Variants in FRY observed in about 807,000 individuals in gnomAD.
FRY encodes FRY microtubule binding protein.
In FRY, 128 loss-of-function variants were observed where a neutral mutation model predicts 348.4. The ratio of observed to expected loss-of-function variants is 0.37; its 90% CI spans 0.32 to 0.43. The LOEUF (loss-of-function observed/expected upper bound fraction) is 0.43, where lower values mean the gene tolerates loss of function less well. Among genes scored for constraint, FRY ranks in the 20% least tolerant of loss-of-function variants. The probability of loss-of-function intolerance (pLI) is 1.00; values close to 1 mark genes in which losing one functional copy is unlikely to be tolerated. For synonymous variants in FRY, 1,370 were observed against 1,374.7 expected (o/e 1.00, Z 0.08); for missense variants, 2,736 against 3,695.2 (o/e 0.74, Z 6.73).
rs1887963548 is a variant in FRY at position 32,267,158 on chromosome 13, C to T, written c.7947-12C>T. 6 of 1,363,892 alleles carry T rather than the reference C, an allele frequency of 4.4e-6. No homozygotes were observed. Among genetic ancestry groups the T allele is most frequent in the South Asian group, 1.2e-5 (1 of 86,690 alleles). 84.5% of individuals were successfully genotyped at this position (1,363,892 alleles called of 1,614,324 possible). On this transcript the variant is annotated splice_polypyrimidine_tract_variant and intron_variant, in intron 54 of 60. Coordinates refer to ENST00000542859, the MANE Select transcript of FRY (RefSeq NM_023037.3). Reference sequence around the variant, plus strand: ...CATCACTTCTTGACATAGTCGTTTTCATTTTTTCCAGCTTTGGAGAAGGTG... The same window carrying T: ...CATCACTTCTTGACATAGTCGTTTTTATTTTTTCCAGCTTTGGAGAAGGTG...
At chr13:32,057,244 C>T (rs988564072) in intron 1 of FRY, among the ~76,000 whole-genome samples, 6 of 152,086 alleles carry the variant, frequency 3.9e-5, no homozygotes, top group African/African-American at 1.4e-4. Flanking sequence ...GATCTCAGCT[C>T]ACTGCAACCT....
Position 32,268,493 on chromosome 13 carries a change from AAAAAAAAAAAAAATATATATAT to A in FRY, c.8136+1136_8136+1157del, listed in dbSNP as rs1336274435. ...TTAAAGAGAAAGCTAGTTTAAAAAAAAAAAAAAAAAAAATATATATATATATATATATATATATATATATATC... is the reference window on the plus strand; with the variant it reads ...TTAAAGAGAAAGCTAGTTTAAAAAAAATATATATATATATATATATATATC... On this transcript the variant is annotated intron_variant, in intron 55 of 60. Coordinates refer to ENST00000542859, the MANE Select transcript of FRY (RefSeq NM_023037.3). 4.5e-4 allele frequency among the ~76,000 whole-genome samples: 6 copies of A among 13,252 alleles called. 1 individual carries two copies. Among genetic ancestry groups the A allele is most frequent in the South Asian group, 9.5e-3 (2 of 210 alleles). The allele number at this position is 13,252 out of a possible 152,430, so 8.7% of individuals were successfully genotyped here. A position where few individuals can be genotyped will look rare whatever the true frequency, so the allele number is the denominator to read the frequency against.
chr13:32,157,897 A>G (rs1881207225), intron 16 of FRY, among the ~76,000 whole-genome samples: 1 of 152,248 alleles, frequency 6.6e-6, no homozygotes, highest in Non-Finnish European at 1.5e-5. Flanking sequence ...TAGATTGACA[A>G]TTAGAACTTG....
intron 1 of FRY, among the ~76,000 whole-genome samples, chr13:32,043,517 A>G (rs942926622): frequency 1.3e-5 from 2 of 152,208 alleles, no homozygotes; most frequent in African/African-American, 2.4e-5. Context: ...TGAAGGAACC[A>G]TTTGTAAGTG....
At chr13:32,253,451 A>G (rs1887183426) in intron 50 of FRY, among the ~76,000 whole-genome samples, 1 of 152,346 alleles carries the variant, frequency 6.6e-6, no homozygotes, top group African/African-American at 2.4e-5. Context: ...AAAGAATACT[A>G]TTAATTTTCT....
intron 7 of FRY, among the ~76,000 whole-genome samples, chr13:32,127,578 C>G (rs1879097148): frequency 6.6e-6 from 1 of 152,094 alleles, no homozygotes; most frequent in South Asian, 2.1e-4. Context: ...GAGATCGAGA[C>G]CATCCTGGCT....
At chr13:32,090,053 A>T (rs1171435887) in intron 2 of FRY, among the ~76,000 whole-genome samples, 1 of 152,110 alleles carries the variant, frequency 6.6e-6, no homozygotes, top group Non-Finnish European at 1.5e-5. Context: ...GAAGAGGGTT[A>T]GAAAGGAAAC....
At chr13:32,092,961 C>T (rs112643461) in intron 2 of FRY, among the ~76,000 whole-genome samples, 3 of 152,154 alleles carry the variant, frequency 2.0e-5, no homozygotes, top group Non-Finnish European at 4.4e-5. Context: ...TGATGCATCA[C>T]GACCTCCTGT....
Position 32,296,407 on chromosome 13 carries a change from T to C in FRY, c.*947T>C, listed in dbSNP as rs1009498195. ...TTACTTTGTTTCTTCGATGTCATAT[T>C]TTATGTGTAATATATATGTAAAGGG... On this transcript the variant is annotated 3_prime_UTR_variant, in exon 61 of 61. Transcript: ENST00000542859. 2.0e-5 allele frequency: 3 copies of C among 152,652 alleles called. No homozygotes were observed. The highest frequency in any genetic ancestry group is 4.4e-5 in the Non-Finnish European group (3 of 68,038). 9.5% of individuals were successfully genotyped at this position (152,652 alleles called of 1,614,324 possible). A position where few individuals can be genotyped will look rare whatever the true frequency, so the allele number is the denominator to read the frequency against.
chr13:32,051,089 G>A (rs544678488), intron 1 of FRY, among the ~76,000 whole-genome samples: 1 of 152,262 alleles, frequency 6.6e-6, no homozygotes, highest in South Asian at 2.1e-4. Flanking sequence ...TGGTTATACA[G>A]CCATAAAACT....
chr13:32,222,164 T>C (rs1258624547), intron 36 of FRY, among the ~76,000 whole-genome samples: 1 of 152,132 alleles, frequency 6.6e-6, no homozygotes, highest in Non-Finnish European at 1.5e-5. Flanking sequence ...TGTCTGCAGA[T>C]GAGCATCCTA....
At chr13:32,247,787 GACCTTCAC>G (rs1886882333) in intron 48 of FRY, among the ~76,000 whole-genome samples, 2 of 152,320 alleles carry the variant, frequency 1.3e-5, no homozygotes, top group Admixed American at 1.3e-4. Context: ...TTTAAACCAT[GACCTTCAC>G]TCATTCTTTA....
At chr13:32,119,612 A>G (rs879384046) in intron 4 of FRY, among the ~76,000 whole-genome samples, 1 of 152,082 alleles carries the variant, frequency 6.6e-6, no homozygotes, top group African/African-American at 2.4e-5. Context: ...GCTGCTGGCC[A>G]TCTCTGGGAG....
At chr13:32,046,864 T>C (rs1873040914) in intron 1 of FRY, among the ~76,000 whole-genome samples, 1 of 152,212 alleles carries the variant, frequency 6.6e-6, no homozygotes, top group African/African-American at 2.4e-5. Flanking sequence ...AGAAAGAAAT[T>C]ATGTAGGCTC....
At chr13:32,280,416 C>T (rs572629591) in intron 58 of FRY, among the ~76,000 whole-genome samples, 7 of 152,198 alleles carry the variant, frequency 4.6e-5, no homozygotes, top group South Asian at 2.1e-4. Flanking sequence ...TAACCTGTGC[C>T]GTTAGCATAT....
chr13:32,056,451 T>A (rs1873627572), intron 1 of FRY, among the ~76,000 whole-genome samples: 1 of 152,206 alleles, frequency 6.6e-6, no homozygotes, highest in African/African-American at 2.4e-5. Context: ...GGTAATGACA[T>A]GCTTGGCAAA....
chr13:32,102,097 T>C (rs1439302336), intron 3 of FRY, 81 bp downstream of exon 3: 3 of 823,248 alleles, frequency 3.6e-6, no homozygotes, highest in Non-Finnish European at 6.5e-6. Context: ...TCACTATTGT[T>C]GTATGGATGA....
chr13:32,255,347 C>G (rs566381861), intron 51 of FRY, among the ~76,000 whole-genome samples: 3 of 152,198 alleles, frequency 2.0e-5, no homozygotes, highest in African/African-American at 7.2e-5. Context: ...CCTTACTTAA[C>G]TACAGGCTTG....
chr13:32,089,772 A>T (rs78383176), intron 2 of FRY, among the ~76,000 whole-genome samples: 2 of 138,662 alleles, frequency 1.4e-5, no homozygotes, highest in Non-Finnish European at 3.0e-5. Flanking sequence ...AAAAAAAGAA[A>T]AAAAGAAGAA....
Sources: gnomAD v4.1 joint callset for allele counts (sites outside exome capture counted in the v4.1 genomes callset) on GRCh38, gnomAD v4.1.1 for gene constraint, MANE v1.5 for transcripts, NCBI Gene and HGNC (gene_info 2026-07-23, HGNC 2026-07-21) for gene names.